Variants in ARHGAP26 observed in about 807,000 individuals in gnomAD.
ARHGAP26 encodes Rho GTPase activating protein 26.
A neutral mutation model predicts 104.8 loss-of-function variants in ARHGAP26; 38 were observed. That is an observed-to-expected ratio of 0.36 (90% CI 0.28 to 0.48). The LOEUF (loss-of-function observed/expected upper bound fraction) is 0.48. Among genes scored for constraint, ARHGAP26 ranks in the 20% least tolerant of loss-of-function variants. The pLI, the probability that ARHGAP26 is intolerant of heterozygous loss-of-function variation, is 0.99. For synonymous variants in ARHGAP26, 341 were observed against 340.0 expected (o/e 1.00, Z -0.03); for missense variants, 704 against 947.9 (o/e 0.74, Z 3.38).
intron 17 of ARHGAP26, among the ~76,000 whole-genome samples, chr5:143,072,108 A>T (rs886279727): frequency 3.3e-5 from 5 of 152,180 alleles, no homozygotes; most frequent in Admixed American, 1.3e-4. Context: ...TGGGCAAGTG[A>T]TCTGAACAGG....
In ARHGAP26 at chr5:143,228,567, A is replaced by T. The variant is rs1163312594; in HGVS notation, c.*6121A>T. ...CTAGTGTTCAAAAGCACTCTAAAAG[A>T]CATTTTGTCCACATTTTGGAAAAGA... On this transcript the variant is annotated 3_prime_UTR_variant, in exon 23 of 23. Transcript: ENST00000645722. 1 of 219,416 alleles carries T rather than the reference A, an allele frequency of 4.6e-6. No individual in the cohort carries two copies. Among genetic ancestry groups the T allele is most frequent in the African/African-American group, 2.2e-5 (1 of 44,604 alleles). 13.6% of individuals were successfully genotyped at this position (219,416 alleles called of 1,614,324 possible).
chr5:142,886,850 G>A lies in ARHGAP26; in HGVS notation c.486+1451G>A, dbSNP rs1195307481. Among the ~76,000 whole-genome samples the A allele has an allele frequency of 2.0e-5, 3 of 152,254 alleles. No homozygotes were observed. In the East Asian group the frequency reaches 5.8e-4, roughly 29 times the overall value. On this transcript the variant is annotated intron_variant, in intron 5 of 22. Coordinates refer to ENST00000645722, the MANE Select transcript of ARHGAP26 (RefSeq NM_001135608.3). The stretch of plus-strand genomic sequence containing the variant: ...GATTCCATTTAGAATCTGTCTTGGT[G>A]CCCTGACTTTTTAGTTATTCTTCTG...
At chr5:142,806,161 C>T (rs1237905928) in intron 1 of ARHGAP26, among the ~76,000 whole-genome samples, 7 of 152,340 alleles carry the variant, frequency 4.6e-5, no homozygotes, top group Non-Finnish European at 5.9e-5. Flanking sequence ...GGCACAAAGA[C>T]GGCTCACTGG....
chr5:142,998,155 A>G (rs1039443764), intron 11 of ARHGAP26, among the ~76,000 whole-genome samples: 2 of 152,144 alleles, frequency 1.3e-5, no homozygotes, highest in African/African-American at 4.8e-5. Flanking sequence ...TTGACTCTAT[A>G]TGTATGTGTG....
intron 11 of ARHGAP26, among the ~76,000 whole-genome samples, chr5:142,982,249 T>G (rs1456541166): frequency 6.6e-6 from 1 of 152,244 alleles, no homozygotes; most frequent in Non-Finnish European, 1.5e-5. Context: ...GGCTGGCTGC[T>G]AGCCCAGGCA....
At chr5:143,041,094 A>G (rs1002587210) in intron 13 of ARHGAP26, among the ~76,000 whole-genome samples, 3 of 152,198 alleles carry the variant, frequency 2.0e-5, no homozygotes, top group Non-Finnish European at 4.4e-5. Flanking sequence ...CTAATAGGAG[A>G]AAAATCATTT....
intron 6 of ARHGAP26, among the ~76,000 whole-genome samples, chr5:142,894,607 A>G (rs1479171488): frequency 1.3e-5 from 2 of 152,100 alleles, no homozygotes; most frequent in Non-Finnish European, 2.9e-5. Flanking sequence ...GTGCCATATG[A>G]TTTTCAGGTG....
intron 1 of ARHGAP26, among the ~76,000 whole-genome samples, chr5:142,807,173 A>G (rs1356351579): frequency 1.3e-5 from 2 of 152,260 alleles, no homozygotes; most frequent in Non-Finnish European, 2.9e-5. Flanking sequence ...TTGAGCCAAC[A>G]TCATGCTAAA....
At chr5:143,080,627 C>G (rs79320283) in intron 17 of ARHGAP26, among the ~76,000 whole-genome samples, 4,215 of 152,286 alleles carry the variant, frequency 0.028, 189 homozygotes, top group African/African-American at 0.097. Context: ...GGCGTGGTCA[C>G]GGAACAGTAA....
intron 1 of ARHGAP26, among the ~76,000 whole-genome samples, chr5:142,844,146 G>T (rs929127722): frequency 6.6e-6 from 1 of 151,082 alleles, no homozygotes; most frequent in Non-Finnish European, 1.5e-5. Context: ...CCACTTCTGG[G>T]TTTGAGCGAT....
At chr5:143,122,313 A>G (rs1433636723) in intron 18 of ARHGAP26, among the ~76,000 whole-genome samples, 2 of 152,028 alleles carry the variant, frequency 1.3e-5, no homozygotes, top group African/African-American at 4.8e-5. Context: ...GCACATTCCT[A>G]CTTCAAGGCC....
At chr5:142,794,291 A>T (rs1284030877) in intron 1 of ARHGAP26, among the ~76,000 whole-genome samples, 1 of 152,164 alleles carries the variant, frequency 6.6e-6, no homozygotes, top group African/African-American at 2.4e-5. Flanking sequence ...CCCAGAGTAG[A>T]GTTGACAGTG....
intron 17 of ARHGAP26, among the ~76,000 whole-genome samples, chr5:143,120,471 A>T (rs1334416338): frequency 6.6e-6 from 1 of 152,220 alleles, no homozygotes; most frequent in Non-Finnish European, 1.5e-5. Flanking sequence ...AATACTTTAC[A>T]TCTAAAGTGC....
intron 6 of ARHGAP26, among the ~76,000 whole-genome samples, chr5:142,898,323 T>A (rs567552652): frequency 1.3e-5 from 2 of 152,318 alleles, no homozygotes; most frequent in East Asian, 3.9e-4. Flanking sequence ...GGATTGCAGA[T>A]AATGACATAT....
chr5:143,210,094 A>G (rs1809208309), intron 21 of ARHGAP26, among the ~76,000 whole-genome samples: 1 of 152,180 alleles, frequency 6.6e-6, no homozygotes, highest in South Asian at 2.1e-4. Context: ...GAAATTGCTT[A>G]CTGTCTGAAT....
intron 1 of ARHGAP26, 61 bp downstream of exon 1, chr5:142,770,976 C>T (rs985752310): frequency 6.5e-7 from 1 of 1,528,368 alleles, no homozygotes; most frequent in Non-Finnish European, 8.9e-7. Context: ...GGAGGTGGCG[C>T]TTAGCCCGGG....
chr5:142,813,724 C>T (rs983835155), intron 1 of ARHGAP26, among the ~76,000 whole-genome samples: 23 of 152,168 alleles, frequency 1.5e-4, no homozygotes, highest in Admixed American at 1.0e-3. Flanking sequence ...TGTATTAGGG[C>T]CTGCCCTAAT....
intron 10 of ARHGAP26, among the ~76,000 whole-genome samples, chr5:142,920,845 G>A (rs949117790): frequency 1.3e-5 from 2 of 152,196 alleles, no homozygotes; most frequent in African/African-American, 4.8e-5. Context: ...CAAACCTGGA[G>A]GGCCAGAATA....
At chr5:142,949,215 GA>G (rs1767852797) in intron 11 of ARHGAP26, among the ~76,000 whole-genome samples, 3 of 66,882 alleles carry the variant, frequency 4.5e-5, no homozygotes, top group African/African-American at 3.8e-4. Flanking sequence ...GAGAGAGAGA[GA>G]GAGAGGAGAG....
Sources: gnomAD v4.1 joint callset for allele counts (sites outside exome capture counted in the v4.1 genomes callset) on GRCh38, gnomAD v4.1.1 for gene constraint, MANE v1.5 for transcripts, NCBI Gene and HGNC (gene_info 2026-07-23, HGNC 2026-07-21) for gene names.